The following CSMD1 variants were observed in gnomAD, a reference collection of about 807,000 sequenced individuals.
CSMD1 encodes the protein CUB and sushi domain-containing protein 1.
A neutral mutation model predicts 417.5 loss-of-function variants in CSMD1; 213 were observed. The ratio of observed to expected loss-of-function variants is 0.51; its 90% CI spans 0.46 to 0.57. The LOEUF (loss-of-function observed/expected upper bound fraction) is 0.57. CSMD1 is among the 20% of genes least tolerant of loss of function. CSMD1 has a pLI of 0.00. For missense variants in CSMD1, 6,923 were observed against 4,529.7 expected, an observed-to-expected ratio of 1.53 and a Z score of -15.17; for synonymous variants, 2,862 against 1,736.8, an observed-to-expected ratio of 1.65 and a Z score of -16.11.
chr8:4,783,740 A>T (rs1444397509), intron 1 of CSMD1, among the ~76,000 whole-genome samples: 2 of 152,168 alleles, frequency 1.3e-5, no homozygotes, highest in Non-Finnish European at 2.9e-5. Context: ...CTGCAAGCAT[A>T]TCCTCTTTCT....
At chr8:4,247,108 G>T (rs1008060528) in intron 3 of CSMD1, among the ~76,000 whole-genome samples, 2 of 152,134 alleles carry the variant, frequency 1.3e-5, no homozygotes, top group South Asian at 4.1e-4. Context: ...TGAAGAAAAC[G>T]CCAATAAAAG....
chr8:4,010,148 T>C (rs1816432633), intron 4 of CSMD1, among the ~76,000 whole-genome samples: 2 of 152,188 alleles, frequency 1.3e-5, no homozygotes, highest in South Asian at 4.1e-4. Flanking sequence ...TCTGAAGTCA[T>C]CTCAGTAGCC....
rs926366679 is a variant in CSMD1, at chr8:3,237,330, G to T, written c.4154-7099C>A. 1.3e-5 allele frequency among the ~76,000 whole-genome samples: 2 copies of T among 151,722 alleles called. 1 individual carries two copies. Among genetic ancestry groups the T allele is most frequent in the South Asian group, 4.2e-4 (2 of 4,802 alleles). On this transcript the variant is annotated intron_variant, in intron 26 of 69. Transcript: ENST00000635120. ...AAGATACAAAATATTAGCTGGTCATGGTGGTGTGTGTCTGTAATCTCAGCT... is the reference window on the plus strand; with the variant it reads ...AAGATACAAAATATTAGCTGGTCATTGTGGTGTGTGTCTGTAATCTCAGCT...
Position 3,702,549 on chromosome 8 carries a change from G to A in CSMD1, c.1009+5865C>T, listed in dbSNP as rs533442994. ...TACCATCATTAAAAAATAGAGTGCT[G>A]GCCAGGTGCGGTGGCTCATGCCTGT... On this transcript the variant is annotated intron_variant, in intron 7 of 69. Coordinates refer to ENST00000635120, the MANE Select transcript of CSMD1 (RefSeq NM_033225.6). Among the ~76,000 whole-genome samples the A allele has an allele frequency of 6.6e-5, 10 of 152,330 alleles. 1 individual carries two copies. The highest frequency in any genetic ancestry group is 6.5e-4 in the Admixed American group (10 of 15,298).
intron 5 of CSMD1, among the ~76,000 whole-genome samples, chr8:3,788,140 G>T (rs1433365353): frequency 6.6e-6 from 1 of 152,122 alleles, no homozygotes; most frequent in Non-Finnish European, 1.5e-5. Flanking sequence ...CTCAGGACTT[G>T]GAGATGAAAT....
intron 2 of CSMD1, among the ~76,000 whole-genome samples, chr8:4,591,103 G>C (rs977451229): frequency 6.6e-6 from 1 of 152,190 alleles, no homozygotes; most frequent in African/African-American, 2.4e-5. Flanking sequence ...AAGGTTGTAA[G>C]CTATGCCATC....
chr8:3,255,320 A>T (rs1287517435), intron 26 of CSMD1, among the ~76,000 whole-genome samples: 1 of 151,758 alleles, frequency 6.6e-6, no homozygotes, highest in East Asian at 1.9e-4. Context: ...GGGGACAGGG[A>T]CCCACTTGAG....
At chr8:4,799,036 G>C (rs1202974302) in intron 1 of CSMD1, among the ~76,000 whole-genome samples, 1 of 152,118 alleles carries the variant, frequency 6.6e-6, no homozygotes, top group Non-Finnish European at 1.5e-5. Context: ...TTTCCAGCAG[G>C]AGCGTGGGCT....
At chr8:4,437,625 C>G (rs78612667) in intron 2 of CSMD1, among the ~76,000 whole-genome samples, 1 of 152,196 alleles carries the variant, frequency 6.6e-6, no homozygotes, top group African/African-American at 2.4e-5. Context: ...GTTCACCAAG[C>G]CTTTCCAGAT....
rs1802907074 is a variant in CSMD1 at position 3,838,931 on chromosome 8, T to C, written c.819-84889A>G. 1.9e-5 allele frequency among the ~76,000 whole-genome samples: 2 copies of C among 103,262 alleles called. 1 individual carries two copies. Among genetic ancestry groups the C allele is most frequent in the South Asian group, 5.3e-4 (2 of 3,744 alleles). 67.7% of individuals were successfully genotyped at this position (103,262 alleles called of 152,430 possible). On this transcript the variant is annotated intron_variant, in intron 5 of 69. Coordinates refer to ENST00000635120, the MANE Select transcript of CSMD1 (RefSeq NM_033225.6). ...TCTAGATATGTATAGTCTCTCTATT[T>C]ATATATAATAAAAAATTAATATCTA... is the stretch of plus-strand genomic sequence containing the variant.
intron 3 of CSMD1, among the ~76,000 whole-genome samples, chr8:4,255,320 G>C (rs1803377478): frequency 2.0e-5 from 3 of 152,090 alleles, no homozygotes; most frequent in Admixed American, 2.0e-4. Flanking sequence ...CTCCAGGAGG[G>C]GAGCTGTTAA....
intron 2 of CSMD1, among the ~76,000 whole-genome samples, chr8:4,467,820 G>C (rs1480445769): frequency 6.6e-6 from 1 of 152,064 alleles, no homozygotes; most frequent in Admixed American, 6.6e-5. Flanking sequence ...GAAATAATTG[G>C]ACAAACTCAA....
At chr8:3,144,540 G>A (rs756554440) in intron 40 of CSMD1, among the ~76,000 whole-genome samples, 26 of 152,006 alleles carry the variant, frequency 1.7e-4, no homozygotes, top group South Asian at 4.2e-4. Flanking sequence ...TCTATAGACC[G>A]GTACTACATC....
chr8:3,640,493 T>G (rs747981511), intron 7 of CSMD1, among the ~76,000 whole-genome samples: 1 of 152,218 alleles, frequency 6.6e-6, no homozygotes, highest in Non-Finnish European at 1.5e-5. Flanking sequence ...TCTAATCAGT[T>G]AATGGAAAAT....
chr8:3,779,955 G>A (rs1212291515), intron 5 of CSMD1, among the ~76,000 whole-genome samples: 1 of 152,160 alleles, frequency 6.6e-6, no homozygotes, highest in Admixed American at 6.5e-5. Flanking sequence ...TGAAAACTAA[G>A]AAAGCTTAAA....
At chr8:4,720,043 G>A (rs1676971) in intron 1 of CSMD1, among the ~76,000 whole-genome samples, 41,764 of 151,644 alleles carry the variant, frequency 0.28, 6,624 homozygotes, top group African/African-American at 0.44. Flanking sequence ...ATATTTTAAA[G>A]AAATTATTCC....
intron 1 of CSMD1, among the ~76,000 whole-genome samples, chr8:4,656,661 T>C (rs1237234230): frequency 6.6e-6 from 1 of 152,116 alleles, no homozygotes; most frequent in African/African-American, 2.4e-5. Context: ...TCTGAGATAG[T>C]CTATCATCAC....
At chr8:4,427,875 A>G (rs1797655514) in intron 2 of CSMD1, among the ~76,000 whole-genome samples, 1 of 152,180 alleles carries the variant, frequency 6.6e-6, no homozygotes, top group South Asian at 2.1e-4. Context: ...AAAGTCAGGG[A>G]TCACTACTTA....
chr8:4,184,580 A>G (rs7825410), intron 3 of CSMD1, among the ~76,000 whole-genome samples: 127,518 of 151,984 alleles, frequency 0.84, 53,676 homozygotes, highest in South Asian at 0.94. Context: ...ATGGAGCTGT[A>G]GACCATTATC....
Sources: gnomAD v4.1 joint callset for allele counts (sites outside exome capture counted in the v4.1 genomes callset) on GRCh38, gnomAD v4.1.1 for gene constraint, MANE v1.5 for transcripts, NCBI Gene and HGNC (gene_info 2026-07-23, HGNC 2026-07-21) for gene names.